Variants in CATSPERD observed in about 807,000 individuals in gnomAD.
CATSPERD encodes catsper channel auxiliary subunit delta.
CATSPERD carries 86 observed loss-of-function variants against 98.1 expected under a neutral mutation model. The ratio of observed to expected loss-of-function variants is 0.88; its 90% CI spans 0.74 to 1.05. The LOEUF is 1.05. CATSPERD is among the 50% of genes least tolerant of loss of function. The pLI, the probability that CATSPERD is intolerant of heterozygous loss-of-function variation, is 0.00. For missense variants in CATSPERD, 995 were observed against 1,005.7 expected, an observed-to-expected ratio of 0.99 and a Z score of 0.14; for synonymous variants, 394 against 390.2, an observed-to-expected ratio of 1.01 and a Z score of -0.12.
intron 13 of CATSPERD, 144 bp downstream of exon 13, chr19:5,754,389 G>A (rs2056284717): frequency 8.8e-6 from 3 of 339,232 alleles, no homozygotes; most frequent in South Asian, 3.3e-5. Context: ...AATTGTCTCT[G>A]TGTCTTTTTT....
intron 7 of CATSPERD, among the ~76,000 whole-genome samples, chr19:5,741,729 C>T (rs1042527025): frequency 5.0e-5 from 7 of 140,826 alleles, no homozygotes; most frequent in African/African-American, 1.3e-4. Context: ...ATCAAATGAC[C>T]GCTGTCCAGG....
At chr19:5,731,522 G>A (rs1186751290) in intron 4 of CATSPERD, among the ~76,000 whole-genome samples, 2 of 137,618 alleles carry the variant, frequency 1.5e-5, no homozygotes, top group African/African-American at 5.3e-5. Flanking sequence ...GTCAATTATC[G>A]AAAATACCAA....
chr19:5,758,974 A>T, intron 14 of CATSPERD, 112 bp from the exon 15 acceptor site: 2 of 804,528 alleles, frequency 2.5e-6, no homozygotes, highest in Non-Finnish European at 2.1e-6. Flanking sequence ...AGCGGCTTCC[A>T]GGTTCGTCCC....
At chr19:5,752,178 G>A (rs1401312626) in intron 12 of CATSPERD, among the ~76,000 whole-genome samples, 1 of 151,924 alleles carries the variant, frequency 6.6e-6, no homozygotes, top group East Asian at 1.9e-4. Flanking sequence ...GTGTGGTGGC[G>A]GGCGCCTGTA....
intron 19 of CATSPERD, among the ~76,000 whole-genome samples, chr19:5,771,715 C>T (rs1007235782): frequency 3.3e-5 from 5 of 150,590 alleles, no homozygotes; most frequent in East Asian, 2.0e-4. Context: ...GGATTACAGG[C>T]GCGTGCCACC....
intron 2 of CATSPERD, among the ~76,000 whole-genome samples, chr19:5,725,981 A>C (rs10406454): frequency 0.1 from 15,507 of 152,130 alleles, 1,438 homozygotes; most frequent in African/African-American, 0.24. Context: ...CATTCTCTGG[A>C]CTTTCAAATA....
intron 20 of CATSPERD, among the ~76,000 whole-genome samples, chr19:5,774,603 C>T (rs143884233): frequency 0.077 from 11,763 of 152,166 alleles, 1,047 homozygotes; most frequent in African/African-American, 0.21. Flanking sequence ...GCAAGAGAAT[C>T]GCTTGAACCT....
chr19:5,777,876 T>G (rs2056762479), intron 21 of CATSPERD, among the ~76,000 whole-genome samples: 1 of 143,612 alleles, frequency 7.0e-6, no homozygotes, highest in South Asian at 2.2e-4. Flanking sequence ...TTCCACCGTT[T>G]CAAAAAACAA....
In CATSPERD at chr19:5,754,237, A is replaced by T; in HGVS notation, c.1270A>T (p.Ile424Phe). 6.2e-7 allele frequency: 1 copy of T among 1,611,130 alleles called. No homozygotes were observed. The highest frequency in any genetic ancestry group is 1.1e-5 in the South Asian group (1 of 91,014). Reference sequence around the variant, plus strand: ...GATACCCCAGCCAGGCACATCCCTGATTCCTCTGGTAAGTACATCTTAATG... The same window carrying T: ...GATACCCCAGCCAGGCACATCCCTGTTTCCTCTGGTAAGTACATCTTAATG... ...SLIPQPGTSLIPLVMVSNPHS... is the reference protein window; with the variant it reads ...SLIPQPGTSLFPLVMVSNPHS... The change falls in exon 13 of 22, where the codon ATT (isoleucine) becomes TTT (phenylalanine). Residue 424 changes from isoleucine (I) to phenylalanine (F), a missense_variant. Transcript: ENST00000381624.
chr19:5,727,593 A>G (rs2145682601), intron 3 of CATSPERD, among the ~76,000 whole-genome samples: 1 of 152,254 alleles, frequency 6.6e-6, no homozygotes, highest in Middle Eastern at 3.4e-3. Flanking sequence ...CACTGTTGGG[A>G]TGCCTCAGGA....
At chr19:5,733,040 T>C (rs1213146159) in intron 4 of CATSPERD, among the ~76,000 whole-genome samples, 4 of 150,730 alleles carry the variant, frequency 2.7e-5, no homozygotes, top group African/African-American at 9.8e-5. Context: ...TCACCCTTGT[T>C]GCCCAAGCTG....
chr19:5,756,809 G>A (rs1156961235), intron 13 of CATSPERD, among the ~76,000 whole-genome samples: 3 of 151,570 alleles, frequency 2.0e-5, no homozygotes, highest in Non-Finnish European at 4.4e-5. Context: ...GCTGGGTGTG[G>A]TAGCGTGCTT....
intron 13 of CATSPERD, 46 bp from the exon 14 acceptor site, chr19:5,757,797 T>A (rs1394970514): frequency 1.3e-6 from 2 of 1,507,232 alleles, no homozygotes; most frequent in African/African-American, 2.8e-5. Context: ...CACCCCGTCC[T>A]GCCTGCTGGC....
intron 3 of CATSPERD, 51 bp downstream of exon 3, chr19:5,727,395 G>C: frequency 7.7e-7 from 1 of 1,306,004 alleles, no homozygotes; most frequent in Non-Finnish European, 1.1e-6. Flanking sequence ...TAAATCTTTA[G>C]ATTTGCCCCA....
Position 5,745,971 on chromosome 19 carries a change from A to G in CATSPERD, c.716A>G (p.Tyr239Cys). 1 of 1,614,156 alleles carries G rather than the reference A, an allele frequency of 6.2e-7. No homozygotes were observed. Among genetic ancestry groups the G allele is most frequent in the Non-Finnish European group, 8.5e-7 (1 of 1,180,020 alleles). The stretch of plus-strand genomic sequence containing the variant: ...CGGAGTTTCGGGCTGTCTTTTGACT[A>G]TAATGGGACTCTAGACATCCTCATC... The part of the protein sequence containing the change: ...LNRSFGLSFD[Y>C]NGTLDILIAP... Residue 239 changes from tyrosine (Y) to cysteine (C), a missense_variant, in exon 9 of 22, where the codon TAT becomes TGT. Around this residue, in one of 3 missense-constraint regions of CATSPERD, gnomAD observed 762 missense variants for 773.7 expected, o/e 0.98. Coordinates refer to ENST00000381624, the MANE Select transcript of CATSPERD (RefSeq NM_152784.4).
intron 7 of CATSPERD, among the ~76,000 whole-genome samples, chr19:5,743,173 G>T (rs1400227695): frequency 6.6e-6 from 1 of 152,030 alleles, no homozygotes. Context: ...TGTGGTGGCA[G>T]GCGCCTGTAA....
chr19:5,771,583 CTTT>C (rs143776994), intron 19 of CATSPERD, among the ~76,000 whole-genome samples: 5 of 140,312 alleles, frequency 3.6e-5, no homozygotes, highest in Non-Finnish European at 6.2e-5. Flanking sequence ...TCTTCCTGTT[CTTT>C]TTTTTTTTTT....
chr19:5,771,168 G>A (rs994588715), intron 19 of CATSPERD, 96 bp downstream of exon 19: 7 of 1,346,064 alleles, frequency 5.2e-6, no homozygotes, highest in Non-Finnish European at 6.1e-6. Flanking sequence ...GGCTCCCCTA[G>A]ATCCCTCAAA....
At chr19:5,756,762 T>C (rs2056331596) in intron 13 of CATSPERD, among the ~76,000 whole-genome samples, 1 of 151,770 alleles carries the variant, frequency 6.6e-6, no homozygotes, top group Non-Finnish European at 1.5e-5. Context: ...CTGTGCAACA[T>C]GGTGAAACCT....
Sources: allele counts gnomAD v4.1 joint callset (sites outside exome capture counted in the v4.1 genomes callset), GRCh38; gene constraint gnomAD v4.1.1; regional missense constraint gnomAD v4.1.1; transcripts MANE v1.5; gene names NCBI Gene and HGNC (gene_info 2026-07-23, HGNC 2026-07-21).